The following HOMER2 variants were observed in gnomAD, a reference collection of about 807,000 sequenced individuals.
HOMER2 encodes the protein homer scaffold protein 2.
HOMER2 carries 27 observed loss-of-function variants against 47.0 expected under a neutral mutation model. The ratio of observed to expected loss-of-function variants is 0.57; its 90% CI spans 0.42 to 0.79. The LOEUF (loss-of-function observed/expected upper bound fraction) is 0.79. Among genes scored for constraint, HOMER2 ranks in the 30% least tolerant of loss-of-function variants. The pLI, the probability that HOMER2 is intolerant of heterozygous loss-of-function variation, is 0.00. For synonymous variants in HOMER2, 161 were observed against 163.8 expected, an observed-to-expected ratio of 0.98 and a Z score of 0.13; for missense variants, 443 against 435.0, an observed-to-expected ratio of 1.02 and a Z score of -0.16.
At chr15:82,952,396 CAG>C (rs1023799885) in intron 1 of HOMER2, 133 bp downstream of exon 1, 1 of 583,976 alleles carries the variant, frequency 1.7e-6, no homozygotes, top group Non-Finnish European at 2.4e-6. Flanking sequence ...CTCCCGGGCG[CAG>C]AGTGTGCGCT....
At chr15:82,950,185 G>A (rs1469922522) in intron 1 of HOMER2, among the ~76,000 whole-genome samples, 1 of 152,176 alleles carries the variant, frequency 6.6e-6, no homozygotes, top group East Asian at 1.9e-4. Context: ...GTGTGCCTAG[G>A]AAGGGGAGAG....
intron 4 of HOMER2, 77 bp from the exon 5 acceptor site, chr15:82,859,212 C>T: frequency 6.2e-7 from 1 of 1,600,424 alleles, no homozygotes; most frequent in Non-Finnish European, 8.5e-7. Flanking sequence ...CTTGTCTGCA[C>T]ATCGGCAGCA....
At chr15:82,869,447 CA>C (rs2052104404) in intron 3 of HOMER2, among the ~76,000 whole-genome samples, 2 of 112,052 alleles carry the variant, frequency 1.8e-5, no homozygotes, top group African/African-American at 3.9e-5. Context: ...TTCTACTAAA[CA>C]TCTTTTTTTT....
At chr15:82,949,528 T>A (rs1237474334) in intron 1 of HOMER2, among the ~76,000 whole-genome samples, 1 of 151,958 alleles carries the variant, frequency 6.6e-6, no homozygotes, top group Non-Finnish European at 1.5e-5. Flanking sequence ...ACCCTGGCAG[T>A]TTTGGTGCAG....
chr15:82,869,450 CTTTTTTT>C (rs71822678), intron 3 of HOMER2, among the ~76,000 whole-genome samples: 2 of 70,260 alleles, frequency 2.8e-5, no homozygotes, highest in South Asian at 6.0e-4. Context: ...TACTAAACAT[CTTTTTTT>C]TTTTTTTTTT....
chr15:82,898,870 A>G (rs187983899), intron 1 of HOMER2, among the ~76,000 whole-genome samples: 1 of 152,334 alleles, frequency 6.6e-6, no homozygotes, highest in East Asian at 1.9e-4. Context: ...CAAAATTCTT[A>G]TTTTTCCTAC....
intron 3 of HOMER2, among the ~76,000 whole-genome samples, chr15:82,870,938 A>G (rs937383200): frequency 6.6e-5 from 10 of 152,264 alleles, no homozygotes; most frequent in African/African-American, 2.4e-4. Flanking sequence ...AACTTAGAAC[A>G]GTGACAACTC....
chr15:82,942,492 C>T (rs573536705), intron 1 of HOMER2, among the ~76,000 whole-genome samples: 4 of 152,204 alleles, frequency 2.6e-5, no homozygotes, highest in Non-Finnish European at 4.4e-5. Context: ...GCAGTGTTTA[C>T]GTGATGTCCA....
chr15:82,844,365 A>T (rs1441197456), downstream of HOMER2: 1 of 152,198 alleles, frequency 6.6e-6, no homozygotes, highest in Non-Finnish European at 1.5e-5. Context: ...CTACAACAGT[A>T]AAAAAATTGG....
intron 3 of HOMER2, among the ~76,000 whole-genome samples, chr15:82,868,541 A>ATATTTTT: frequency 1.4e-5 from 1 of 71,288 alleles, no homozygotes; most frequent in Non-Finnish European, 2.8e-5. Flanking sequence ...ATATATATAT[A>ATATTTTT]TTTTTTTTTT....
At chr15:82,898,599 T>C (rs1290751895) in intron 1 of HOMER2, 1 of 152,240 alleles carries the variant, frequency 6.6e-6, no homozygotes, top group Non-Finnish European at 1.5e-5. Flanking sequence ...ATTGAACACA[T>C]TCTGGAACCT....
At chr15:82,965,256 T>C (rs575532998) in intron 1 of HOMER2, among the ~76,000 whole-genome samples, 1 of 152,288 alleles carries the variant, frequency 6.6e-6, no homozygotes, top group Admixed American at 6.5e-5. Flanking sequence ...TAGCCTCAAG[T>C]GATCCTCCCA....
intron 1 of HOMER2, among the ~76,000 whole-genome samples, chr15:82,984,416 C>A (rs941022025): frequency 1.3e-5 from 2 of 152,238 alleles, no homozygotes; most frequent in East Asian, 3.8e-4. Flanking sequence ...CTCATCCATA[C>A]TATCCTATAT....
At chr15:82,951,560 T>C (rs1567073165) in intron 1 of HOMER2, among the ~76,000 whole-genome samples, 1 of 152,214 alleles carries the variant, frequency 6.6e-6, no homozygotes, top group Non-Finnish European at 1.5e-5. Flanking sequence ...CAGAAGCATT[T>C]GAGTCCTGCG....
At chr15:82,876,866 C>G (rs893080407) in intron 2 of HOMER2, among the ~76,000 whole-genome samples, 1 of 152,198 alleles carries the variant, frequency 6.6e-6, no homozygotes, top group Non-Finnish European at 1.5e-5. Flanking sequence ...GTTGCCTTAA[C>G]TAAAGGGATC....
At position 82,952,716 on chromosome 15, in the gene HOMER2, G is replaced by A. The variant is rs1271148235; in HGVS notation, c.-181C>T. The A allele has an allele frequency of 3.1e-6, 3 of 981,388 alleles. No individual in the cohort carries two copies. In the African/African-American group the frequency reaches 5.3e-5, roughly 17 times the overall value. 60.8% of individuals were successfully genotyped at this position (981,388 alleles called of 1,614,324 possible). A position where few individuals can be genotyped will look rare whatever the true frequency, so the allele number is the denominator to read the frequency against. On this transcript the variant is annotated 5_prime_UTR_variant, in exon 1 of 9. Coordinates refer to ENST00000450735, the MANE Select transcript of HOMER2 (RefSeq NM_004839.4). ...GCTGCCACTGCCGCCACCGCCGCCA[G>A]GCGCGGGCGGGCGGGGGCTGGGCGG...
intron 1 of HOMER2, among the ~76,000 whole-genome samples, chr15:82,944,952 T>C (rs1051408852): frequency 6.6e-6 from 1 of 151,940 alleles, no homozygotes; most frequent in African/African-American, 2.4e-5. Flanking sequence ...CTCATCCAAG[T>C]CTTAAAGCAG....
intron 1 of HOMER2, among the ~76,000 whole-genome samples, chr15:82,979,412 A>G (rs2030317359): frequency 6.6e-6 from 1 of 152,210 alleles, no homozygotes; most frequent in South Asian, 2.1e-4. Flanking sequence ...ACTCTGAGCT[A>G]GCCGATAGAT....
In HOMER2 at chr15:82,983,053, A is replaced by C. The variant is rs189586226; in HGVS notation, n.82+2734T>G. ...AGTCAAAAATGCAGTTAGTACACCT[A>C]ATCTACCAAACATCATAGCTTAGCT... On this transcript the variant is annotated intron_variant and non_coding_transcript_variant, in intron 1 of 1. Transcript: ENST00000500334. Among the ~76,000 whole-genome samples, 28 of 152,326 alleles carry C rather than the reference A, an allele frequency of 1.8e-4. 1 individual carries two copies. Among genetic ancestry groups the C allele is most frequent in the Admixed American group, 9.2e-4 (14 of 15,288 alleles).
Sources: gnomAD v4.1 joint callset for allele counts (sites outside exome capture counted in the v4.1 genomes callset) on GRCh38, gnomAD v4.1.1 for gene constraint, MANE v1.5 for transcripts, NCBI Gene and HGNC (gene_info 2026-07-23, HGNC 2026-07-21) for gene names.